PDCD6IP: variants seen among roughly 807,000 people sequenced by gnomAD.
PDCD6IP encodes the protein programmed cell death 6-interacting protein.
Under a neutral mutation model 103.7 loss-of-function variants are expected in PDCD6IP, and 43 were observed. That is an observed-to-expected ratio of 0.41 (90% confidence interval 0.32 to 0.53). The LOEUF (loss-of-function observed/expected upper bound fraction) is 0.53, where lower values mean the gene tolerates loss of function less well. Ranked by LOEUF, PDCD6IP falls within the 20% of genes least tolerant of loss-of-function variation. The pLI, the probability that PDCD6IP is intolerant of heterozygous loss-of-function variation, is 0.16. For synonymous variants in PDCD6IP, 354 were observed against 378.7 expected (o/e 0.93, Z 0.76); for missense variants, 871 against 1,036.7 (o/e 0.84, Z 2.20).
intron 16 of PDCD6IP, among the ~76,000 whole-genome samples, chr3:33,864,695 T>C (rs776034214): frequency 6.6e-6 from 1 of 152,236 alleles, no homozygotes; most frequent in African/African-American, 2.4e-5. Flanking sequence ...ATTGTGATTA[T>C]GTAGGAGAAT....
chr3:33,851,860 TTCTC>T (rs754121902), intron 12 of PDCD6IP, among the ~76,000 whole-genome samples: 27 of 152,196 alleles, frequency 1.8e-4, no homozygotes, highest in Non-Finnish European at 3.5e-4. Context: ...ATCTGTATCT[TTCTC>T]TATTTCTTTC....
chr3:33,810,971 A>G (rs1024671566), intron 1 of PDCD6IP: 2 of 246,838 alleles, frequency 8.1e-6, no homozygotes, highest in Admixed American at 4.3e-5. Context: ...CACTGCAGCC[A>G]TGACCTCCAG....
chr3:33,848,758 G>A (rs1326872284), intron 12 of PDCD6IP, among the ~76,000 whole-genome samples: 2 of 152,164 alleles, frequency 1.3e-5, no homozygotes, highest in Non-Finnish European at 2.9e-5. Context: ...TGCCACAGAG[G>A]ATTTTAAATC....
intron 1 of PDCD6IP, among the ~76,000 whole-genome samples, chr3:33,800,869 G>A (rs1351818131): frequency 6.6e-6 from 1 of 152,150 alleles, no homozygotes; most frequent in Non-Finnish European, 1.5e-5. Flanking sequence ...TAACAGACAT[G>A]GGAGGTTGGT....
chr3:33,811,115 G>A, intron 1 of PDCD6IP: 1 of 429,534 alleles, frequency 2.3e-6, no homozygotes, highest in Non-Finnish European at 4.7e-6. Context: ...CGAACTCTGG[G>A]CTCAAGTGAT....
At chr3:33,817,302 G>T (rs1186778041) in intron 3 of PDCD6IP, among the ~76,000 whole-genome samples, 2 of 152,158 alleles carry the variant, frequency 1.3e-5, no homozygotes, top group Non-Finnish European at 2.9e-5. Context: ...AAAGTTATGT[G>T]TGTGAATGTT....
intron 11 of PDCD6IP, 78 bp downstream of exon 11, chr3:33,844,301 T>C: frequency 1.4e-6 from 1 of 716,748 alleles, no homozygotes; most frequent in Non-Finnish European, 2.2e-6. Flanking sequence ...TAAATTAGGC[T>C]CAGTTGTAAA....
chr3:33,820,715 G>A (rs1696972752), intron 3 of PDCD6IP, among the ~76,000 whole-genome samples: 1 of 152,134 alleles, frequency 6.6e-6, no homozygotes, highest in Non-Finnish European at 1.5e-5. Flanking sequence ...ATTCATCCGT[G>A]TTATAGCATA....
intron 1 of PDCD6IP, among the ~76,000 whole-genome samples, chr3:33,800,846 A>C (rs1215386529): frequency 6.6e-6 from 1 of 152,210 alleles, no homozygotes; most frequent in South Asian, 2.1e-4. Context: ...CACTTGGTGC[A>C]TGGGTTTTAA....
chr3:33,837,916 A>G (rs2125563879), intron 8 of PDCD6IP, among the ~76,000 whole-genome samples: 1 of 152,312 alleles, frequency 6.6e-6, no homozygotes. Context: ...ACAGATGAAC[A>G]GTGTCACTGA....
At chr3:33,856,093 T>A (rs145910489) in intron 15 of PDCD6IP, among the ~76,000 whole-genome samples, 65 of 152,244 alleles carry the variant, frequency 4.3e-4, no homozygotes, top group African/African-American at 1.5e-3. Context: ...GAACTGCCCG[T>A]GTAAGGGATC....
In PDCD6IP at chr3:33,836,238, C is replaced by A; in HGVS notation, c.1029C>A (p.Val343=). The A allele has an allele frequency of 6.2e-7, 1 of 1,608,808 alleles. No homozygotes were observed. Among genetic ancestry groups the A allele is most frequent in the South Asian group, 1.1e-5 (1 of 90,902 alleles). ...CCACACTTGTGAAATCTACCCCGGT[C>A]AATGTACCCATCAGTCAGAAATTTA... The part of the protein sequence containing the change: ...GKATLVKSTP[V]NVPISQKFTD... Residue 343 remains valine (V), a synonymous_variant, in exon 8 of 18, where the codon GTC becomes GTA. Transcript: ENST00000307296.
At position 33,846,595 on chromosome 3, in the gene PDCD6IP, C is replaced by T. The variant is rs185537426; in HGVS notation, c.1641+1007C>T. Among the ~76,000 whole-genome samples, 245 of 152,256 alleles carry T rather than the reference C, an allele frequency of 1.6e-3. 1 individual carries two copies. The highest frequency in any genetic ancestry group is 5.3e-3 in the African/African-American group (222 of 41,556). ...TTGGAGTAGTTCTCTTCAGAGGCTT[C>T]TTAAGAGATTGGCACATTATGAGAA... On this transcript the variant is annotated intron_variant, in intron 12 of 17. Transcript: ENST00000307296.
intron 3 of PDCD6IP, among the ~76,000 whole-genome samples, chr3:33,818,849 A>T (rs75056846): frequency 0.042 from 6,406 of 152,138 alleles, 429 homozygotes; most frequent in African/African-American, 0.14. Flanking sequence ...AGTGTTACTG[A>T]TGAAAAGTCT....
At chr3:33,822,296 T>C (rs1233931912) in intron 4 of PDCD6IP, among the ~76,000 whole-genome samples, 1 of 152,214 alleles carries the variant, frequency 6.6e-6, no homozygotes, top group Non-Finnish European at 1.5e-5. Context: ...ACCGAGCACC[T>C]AGCACAGTGC....
At chr3:33,841,807 G>A (rs1697481460) in intron 9 of PDCD6IP, 90 bp from the exon 10 acceptor site, 3 of 884,836 alleles carry the variant, frequency 3.4e-6, no homozygotes, top group Non-Finnish European at 5.3e-6. Context: ...TGTTGATTTG[G>A]TTATAGAATA....
chr3:33,802,379 A>C (rs1696494995), intron 1 of PDCD6IP, among the ~76,000 whole-genome samples: 1 of 152,218 alleles, frequency 6.6e-6, no homozygotes, highest in Non-Finnish European at 1.5e-5. Flanking sequence ...TTTGTTAATA[A>C]GGAATAGGAT....
chr3:33,861,401 A>G (rs1001877962), intron 15 of PDCD6IP, among the ~76,000 whole-genome samples: 1 of 152,130 alleles, frequency 6.6e-6, no homozygotes. Context: ...TCGGCCTCCC[A>G]AAGTGCTGGG....
chr3:33,799,119 T>TGTGACTGCCCGCTTGTC (rs1213842200), intron 1 of PDCD6IP, 182 bp downstream of exon 1: 4 of 628,524 alleles, frequency 6.4e-6, no homozygotes, highest in Non-Finnish European at 8.2e-6. Flanking sequence ...GCAGGCCCGC[T>TGTGACTGCCCGCTTGTC]GTGACTGCCC....
Sources: gnomAD v4.1 joint callset for allele counts (sites outside exome capture counted in the v4.1 genomes callset) on GRCh38, gnomAD v4.1.1 for gene constraint, MANE v1.5 for transcripts, NCBI Gene and HGNC (gene_info 2026-07-23, HGNC 2026-07-21) for gene names.